Variants in KHDRBS2 observed in about 807,000 individuals in gnomAD.
KHDRBS2 encodes KH domain-containing, RNA-binding, signal transduction-associated protein 2.
A neutral mutation model predicts 44.3 loss-of-function variants in KHDRBS2; 26 were observed. The ratio of observed to expected loss-of-function variants is 0.59; its 90% CI spans 0.43 to 0.81. The LOEUF is 0.81. Among genes scored for constraint, KHDRBS2 ranks in the 40% least tolerant of loss-of-function variants. KHDRBS2 has a pLI of 0.00. For synonymous variants in KHDRBS2, 194 were observed against 151.1 expected (o/e 1.28, Z -2.08); for missense variants, 476 against 433.1 (o/e 1.10, Z -0.88).
chr6:61,549,941 A>G, the KHDRBS2 span, among the ~76,000 whole-genome samples: 1 of 152,190 alleles, frequency 6.6e-6, no homozygotes, highest in Non-Finnish European at 1.5e-5. Flanking sequence ...GCTTCCAAAG[A>G]TTGACATGTT....
chr6:62,134,226 G>A (rs945278778), intron 2 of KHDRBS2, among the ~76,000 whole-genome samples: 3 of 152,138 alleles, frequency 2.0e-5, no homozygotes, highest in Admixed American at 6.5e-5. Flanking sequence ...TAGGGACTTG[G>A]TGCCCTGGGT....
the KHDRBS2 span, among the ~76,000 whole-genome samples, chr6:61,552,346 T>G: frequency 2.0e-5 from 3 of 152,270 alleles, no homozygotes; most frequent in African/African-American, 7.2e-5. Flanking sequence ...TGCTACTGAT[T>G]TTTGTACATT....
At position 61,941,169 on chromosome 6, in the gene KHDRBS2, C is replaced by A. The variant is rs368717054; in HGVS notation, c.483+36897G>T. Reference sequence around the variant, plus strand: ...GGGATTGCCGAGCTGAGTCAATAATCATTGGCATCTGAACCTTCTCCAGGG... The same window carrying A: ...GGGATTGCCGAGCTGAGTCAATAATAATTGGCATCTGAACCTTCTCCAGGG... On this transcript the variant is annotated intron_variant, in intron 4 of 8. Coordinates refer to ENST00000281156, the MANE Select transcript of KHDRBS2 (RefSeq NM_152688.4). Among the ~76,000 whole-genome samples the A allele has an allele frequency of 7.9e-5, 12 of 152,282 alleles. No individual in the cohort carries two copies. The East Asian group carries it at 1.5e-3, about 20-fold the overall frequency.
intron 1 of KHDRBS2, among the ~76,000 whole-genome samples, chr6:62,208,332 T>C (rs575637843): frequency 6.6e-6 from 1 of 152,280 alleles, no homozygotes; most frequent in South Asian, 2.1e-4. Flanking sequence ...TGGTCTCAAA[T>C]GGTCCTCATG....
intron 3 of KHDRBS2, among the ~76,000 whole-genome samples, chr6:62,045,839 A>G (rs1278868826): frequency 2.0e-5 from 3 of 151,754 alleles, no homozygotes; most frequent in Admixed American, 6.6e-5. Flanking sequence ...ATTTTAATCA[A>G]GTGTTTACTA....
chr6:62,125,705 C>T (rs1244510972), intron 2 of KHDRBS2, among the ~76,000 whole-genome samples: 2 of 152,094 alleles, frequency 1.3e-5, no homozygotes, highest in Admixed American at 6.5e-5. Context: ...ATTCCAGGCA[C>T]CAGCTCTTGG....
chr6:62,064,777 A>AC (rs1793103308), intron 2 of KHDRBS2, among the ~76,000 whole-genome samples: 1 of 152,040 alleles, frequency 6.6e-6, no homozygotes, highest in Non-Finnish European at 1.5e-5. Context: ...CAAAATTGAC[A>AC]AATGGGATCT....
the KHDRBS2 span, among the ~76,000 whole-genome samples, chr6:61,670,981 T>C: frequency 1.5e-4 from 23 of 151,708 alleles, no homozygotes; most frequent in African/African-American, 4.6e-4. Context: ...CTCTTTGTCT[T>C]CTCATTTCCC....
intron 2 of KHDRBS2, among the ~76,000 whole-genome samples, chr6:62,062,356 A>G (rs1196564238): frequency 7.0e-6 from 1 of 142,250 alleles, no homozygotes; most frequent in Non-Finnish European, 1.5e-5. Context: ...CACCTATTCC[A>G]AAATTGACCA....
intron 6 of KHDRBS2, among the ~76,000 whole-genome samples, chr6:61,838,939 A>C (rs1366688368): frequency 6.6e-6 from 1 of 152,082 alleles, no homozygotes; most frequent in Non-Finnish European, 1.5e-5. Context: ...GTTGCTGAAT[A>C]ATCCATCCCT....
intron 6 of KHDRBS2, among the ~76,000 whole-genome samples, chr6:61,805,312 C>T (rs1380065827): frequency 2.6e-5 from 4 of 152,094 alleles, no homozygotes; most frequent in East Asian, 1.9e-4. Flanking sequence ...CATCTGAGAC[C>T]ACCTCAGCCT....
At chr6:62,237,131 T>C (rs1833831967) in intron 1 of KHDRBS2, among the ~76,000 whole-genome samples, 1 of 152,184 alleles carries the variant, frequency 6.6e-6, no homozygotes, top group Non-Finnish European at 1.5e-5. Context: ...CGTGCTGTTT[T>C]ATATGGAAGA....
intron 2 of KHDRBS2, among the ~76,000 whole-genome samples, chr6:62,134,407 C>G (rs1282055075): frequency 1.2e-4 from 18 of 152,144 alleles, no homozygotes; most frequent in Non-Finnish European, 4.4e-5. Flanking sequence ...TATGGAAATG[C>G]CTGGGTATCC....
intron 1 of KHDRBS2, among the ~76,000 whole-genome samples, chr6:62,196,360 T>A (rs1825701846): frequency 6.6e-6 from 1 of 152,174 alleles, no homozygotes; most frequent in South Asian, 2.1e-4. Flanking sequence ...ATACTTCCAA[T>A]TAGGCAAAGA....
At chr6:62,124,862 T>C (rs1204343918) in intron 2 of KHDRBS2, among the ~76,000 whole-genome samples, 3 of 152,186 alleles carry the variant, frequency 2.0e-5, no homozygotes, top group African/African-American at 7.2e-5. Context: ...ACCAGCCACA[T>C]ATAACTGTTC....
chr6:61,799,751 G>A (rs1464312450), intron 6 of KHDRBS2, among the ~76,000 whole-genome samples: 1 of 152,020 alleles, frequency 6.6e-6, no homozygotes, highest in Non-Finnish European at 1.5e-5. Flanking sequence ...TGGATAGACA[G>A]TAAAGAGGAG....
chr6:62,073,530 C>CTTTTTTTTTTTTTTTTT (rs60124030), intron 2 of KHDRBS2, among the ~76,000 whole-genome samples: 7 of 124,414 alleles, frequency 5.6e-5, no homozygotes, highest in Non-Finnish European at 8.4e-5. Context: ...TTTCTTTTTT[C>CTTTTTTTTTTTTTTTTT]TTTTTTTTTT....
At chr6:62,258,637 G>T (rs1837820217) in intron 1 of KHDRBS2, among the ~76,000 whole-genome samples, 1 of 151,902 alleles carries the variant, frequency 6.6e-6, no homozygotes, top group African/African-American at 2.4e-5. Context: ...TAACATTCAG[G>T]CTATGTGTAT....
the KHDRBS2 span, among the ~76,000 whole-genome samples, chr6:61,620,786 G>C: frequency 2.0e-5 from 3 of 152,148 alleles, no homozygotes; most frequent in Admixed American, 2.0e-4. Context: ...GGCTACTCCT[G>C]CCCAATGCAG....
Sources: allele counts gnomAD v4.1 joint callset (sites outside exome capture counted in the v4.1 genomes callset), GRCh38; gene constraint gnomAD v4.1.1; transcripts MANE v1.5; gene names NCBI Gene and HGNC (gene_info 2026-07-23, HGNC 2026-07-21).